CD163L1: variants seen among roughly 807,000 people sequenced by gnomAD.
The protein encoded by CD163L1 is CD163 molecule like 1.
A neutral mutation model predicts 165.4 loss-of-function variants in CD163L1; 124 were observed. The ratio of observed to expected loss-of-function variants is 0.75; its 90% CI spans 0.65 to 0.87. CD163L1 has a LOEUF of 0.87. CD163L1 is among the 40% of genes least tolerant of loss of function. The probability of loss-of-function intolerance (pLI) is 0.00; values close to 1 mark genes in which losing one functional copy is unlikely to be tolerated. For missense variants in CD163L1, 1,525 were observed against 1,799.9 expected, an observed-to-expected ratio of 0.85 and a Z score of 2.76; for synonymous variants, 585 against 662.2, an observed-to-expected ratio of 0.88 and a Z score of 1.79.
At chr12:7,345,485 T>TATCA (rs1361624997), downstream of CD163L1, among the ~76,000 whole-genome samples, 1 of 152,244 alleles carries the variant, frequency 6.6e-6, no homozygotes, top group African/African-American at 2.4e-5. Flanking sequence ...TCTCTGTTCA[T>TATCA]ATCACTATCA....
intron 4 of CD163L1, among the ~76,000 whole-genome samples, chr12:7,412,633 A>C (rs968944005): frequency 7.2e-5 from 11 of 152,180 alleles, no homozygotes; most frequent in Non-Finnish European, 4.4e-5. Context: ...AAAAAGAGGA[A>C]GATCACAGGA....
At chr12:7,420,914 C>G (rs1419235863) in intron 4 of CD163L1, among the ~76,000 whole-genome samples, 3 of 148,978 alleles carry the variant, frequency 2.0e-5, no homozygotes, top group Non-Finnish European at 4.4e-5. Context: ...TATAGCAGCA[C>G]AATTTGCAAT....
chr12:7,385,356 T>C (rs139022646), intron 8 of CD163L1, among the ~76,000 whole-genome samples: 832 of 151,768 alleles, frequency 5.5e-3, no homozygotes, highest in Admixed American at 9.7e-3. Context: ...CACTCAGACA[T>C]ATAAAGCAAA....
the CD163L1 span, among the ~76,000 whole-genome samples, chr12:7,334,340 G>A: frequency 3.3e-5 from 5 of 152,076 alleles, no homozygotes; most frequent in East Asian, 1.9e-4. Flanking sequence ...TTCAACATAC[G>A]AAAATCAATA....
intron 4 of CD163L1, among the ~76,000 whole-genome samples, chr12:7,429,490 T>C (rs1338583050): frequency 1.3e-5 from 2 of 152,216 alleles, no homozygotes; most frequent in Non-Finnish European, 1.5e-5. Flanking sequence ...TCCACCTACA[T>C]ATCTTCCAAG....
intron 8 of CD163L1, among the ~76,000 whole-genome samples, chr12:7,394,474 T>C (rs111653196): frequency 0.13 from 20,018 of 152,158 alleles, 1,980 homozygotes; most frequent in African/African-American, 0.27. Context: ...ATGTTAGACC[T>C]AAAAGCATAA....
At chr12:7,323,884 A>G in the CD163L1 span, among the ~76,000 whole-genome samples, 1 of 152,298 alleles carries the variant, frequency 6.6e-6, no homozygotes, top group African/African-American at 2.4e-5. Flanking sequence ...TTTTAAAAAA[A>G]TTTAATTTCC....
At chr12:7,433,790 ATGT>A (rs926092891) in intron 2 of CD163L1, 96 bp from the exon 3 acceptor site, 16 of 936,372 alleles carry the variant, frequency 1.7e-5, no homozygotes, top group African/African-American at 6.6e-5. Context: ...TTTAGTTTAA[ATGT>A]TGTTATTAGA....
chr12:7,373,525 G>A lies in CD163L1; in HGVS notation c.3525C>T (p.Ala1175=), dbSNP rs141611631. 7.0e-5 allele frequency: 113 copies of A among 1,614,202 alleles called. No homozygotes were observed. In the African/African-American group the frequency reaches 1.4e-3, roughly 20 times the overall value. Residue 1175 remains alanine, a synonymous_variant, in exon 14 of 20, where the codon GCC becomes GCT. Coordinates refer to ENST00000313599, the MANE Select transcript of CD163L1 (RefSeq NM_174941.6). ...GCTGCCTGCACACAATGCCTGCTAT[G>A]GCTGTGGTGATGTTCCTCCTGCCGA... ...GSVGRRNITT[A]IAGIVCRQLG...
At chr12:7,421,077 A>ATATATACGTATATATG (rs1565808970) in intron 4 of CD163L1, among the ~76,000 whole-genome samples, 2 of 103,090 alleles carry the variant, frequency 1.9e-5, no homozygotes, top group African/African-American at 8.8e-5. Context: ...ATATATACGT[A>ATATATACGTATATATG]TATATATACG....
At chr12:7,346,563 C>T (rs954436873), downstream of CD163L1, 3 of 152,154 alleles carry the variant, frequency 2.0e-5, no homozygotes, top group Non-Finnish European at 4.4e-5. Flanking sequence ...GACTGCAACT[C>T]TTAAGGCTCT....
At position 7,398,422 on chromosome 12, in the gene CD163L1, T is replaced by G. The variant is rs750808063; in HGVS notation, c.1571A>C (p.His524Pro). ...CKQLGCGKPL[H>P]VFGMTYFKEA... ...TTTAAAATAGGTCATACCAAACACA[T>G]GCAAAGGCTTTCCACATCCCAATTG... Residue 524 changes from histidine (H) to proline (P), a missense_variant, in exon 7 of 20, where the codon CAT becomes CCT. Coordinates refer to ENST00000313599, the MANE Select transcript of CD163L1 (RefSeq NM_174941.6). This position sits in a 1 kb window ranked among gnomAD's most constrained non-coding sequence, Gnocchi z 4.5. The G allele has an allele frequency of 1.2e-6, 2 of 1,614,004 alleles. No homozygotes were observed. The highest frequency in any genetic ancestry group is 1.7e-6 in the Non-Finnish European group (2 of 1,180,016).
chr12:7,323,844 G>C, the CD163L1 span, among the ~76,000 whole-genome samples: 1 of 152,092 alleles, frequency 6.6e-6, no homozygotes, highest in African/African-American at 2.4e-5. Flanking sequence ...TACTCTTTAT[G>C]ACCTTTTGTA....
chr12:7,443,831 T>C (rs1484950171), intron 1 of CD163L1, among the ~76,000 whole-genome samples: 1 of 152,200 alleles, frequency 6.6e-6, no homozygotes. Context: ...CACAACTTCA[T>C]ATCCTTGTGT....
chr12:7,353,887 T>C (rs1946727930), downstream of CD163L1, among the ~76,000 whole-genome samples: 1 of 152,126 alleles, frequency 6.6e-6, no homozygotes, highest in East Asian at 1.9e-4. Flanking sequence ...TAATGAAATA[T>C]ATATTAATTG....
chr12:7,319,658 C>A, the CD163L1 span, among the ~76,000 whole-genome samples: 2 of 151,874 alleles, frequency 1.3e-5, no homozygotes, highest in African/African-American at 4.8e-5. Flanking sequence ...TCACCTCCTG[C>A]TGTGTGGCCC....
the CD163L1 span, among the ~76,000 whole-genome samples, chr12:7,332,032 T>G: frequency 5.9e-5 from 9 of 151,948 alleles, no homozygotes; most frequent in South Asian, 1.9e-3. Context: ...TTAAAAACCT[T>G]GAAAAAAAAT....
Position 7,432,456 on chromosome 12 carries a change from A to G in CD163L1, c.726T>C (p.His242=). Residue 242 remains histidine (H), a synonymous_variant, in exon 4 of 20, where the codon CAT becomes CAC. Transcript: ENST00000313599. This position sits in a 1 kb window ranked among gnomAD's most constrained non-coding sequence, Gnocchi z 4.2. ...TGACATCCTCATTGTGACTGCAGTC[A>G]TGATTTCCCCATCCACGATGTCTGC... ...WNCRHRGWGN[H]DCSHNEDVTL... 6.2e-7 allele frequency: 1 copy of G among 1,614,120 alleles called. No individual in the cohort carries two copies. The highest frequency in any genetic ancestry group is 1.3e-5 in the African/African-American group (1 of 75,058).
intron 2 of CD163L1, among the ~76,000 whole-genome samples, chr12:7,440,246 G>A (rs1383775582): frequency 6.6e-6 from 1 of 151,944 alleles, no homozygotes; most frequent in Non-Finnish European, 1.5e-5. Context: ...AGCCCTGGAG[G>A]CGGCCCCGCG....
Sources: allele counts gnomAD v4.1 joint callset (sites outside exome capture counted in the v4.1 genomes callset), GRCh38; gene constraint gnomAD v4.1.1; non-coding constraint Gnocchi (gnomAD v3.1); transcripts MANE v1.5; gene names NCBI Gene and HGNC (gene_info 2026-07-23, HGNC 2026-07-21).